The following DOCK3 variants were observed in gnomAD, a reference collection of about 807,000 sequenced individuals.
The protein encoded by DOCK3 is dedicator of cytokinesis 3, also known as dedicator of cytokinesis protein 3.
In DOCK3, 60 loss-of-function variants were observed where a neutral mutation model predicts 265.6. The observed-to-expected ratio is 0.23, with a 90% CI of 0.18 to 0.28. DOCK3 has a LOEUF of 0.28. Ranked by LOEUF, DOCK3 falls within the 10% of genes least tolerant of loss-of-function variation. The probability of loss-of-function intolerance (pLI) is 1.00; values close to 1 mark genes in which losing one functional copy is unlikely to be tolerated. For synonymous variants in DOCK3, 881 were observed against 938.0 expected (o/e 0.94, Z 1.11); for missense variants, 1,981 against 2,594.3 (o/e 0.76, Z 5.14).
At chr3:51,053,076 A>AT (rs1559993850) in intron 5 of DOCK3, among the ~76,000 whole-genome samples, 2 of 34,550 alleles carry the variant, frequency 5.8e-5, no homozygotes, top group Non-Finnish European at 1.1e-4. Flanking sequence ...AAAAAAGTCA[A>AT]AGATATATAT....
chr3:50,714,265 C>A (rs980802381), intron 1 of DOCK3, among the ~76,000 whole-genome samples: 4 of 152,180 alleles, frequency 2.6e-5, no homozygotes, highest in South Asian at 4.1e-4. Flanking sequence ...TTTCTTAAAA[C>A]CTTTTTATTG....
intron 5 of DOCK3, among the ~76,000 whole-genome samples, chr3:50,942,712 G>A (rs1029198224): frequency 1.3e-5 from 2 of 151,556 alleles, no homozygotes; most frequent in Non-Finnish European, 3.0e-5. Flanking sequence ...TTGTTACTGT[G>A]AATGTGAATA....
intron 2 of DOCK3, among the ~76,000 whole-genome samples, chr3:50,819,097 C>T (rs148956327): frequency 3.3e-5 from 5 of 152,278 alleles, no homozygotes; most frequent in African/African-American, 7.2e-5. Flanking sequence ...GTTTTTTCTC[C>T]GTATAGCTCC....
At chr3:50,889,755 T>C (rs2048554535) in intron 3 of DOCK3, among the ~76,000 whole-genome samples, 1 of 152,100 alleles carries the variant, frequency 6.6e-6, no homozygotes, top group Non-Finnish European at 1.5e-5. Context: ...CCATCTCTAA[T>C]CTACAACTCT....
At chr3:50,868,977 C>CT (rs71633040) in intron 3 of DOCK3, among the ~76,000 whole-genome samples, 2,553 of 73,548 alleles carry the variant, frequency 0.035, 44 homozygotes, top group Non-Finnish European at 0.04. Flanking sequence ...AAAACCAACT[C>CT]TTTTTTTTTT....
In DOCK3 at chr3:51,375,843, T is replaced by A. The variant is rs369054248; in HGVS notation, c.5500+8T>A. 3.5e-5 allele frequency: 57 copies of A among 1,613,848 alleles called. No homozygotes were observed. Among genetic ancestry groups the A allele is most frequent in the Middle Eastern group, 3.3e-4 (2 of 6,074 alleles). On this transcript the variant is annotated splice_region_variant and intron_variant, in intron 51 of 52. Transcript: ENST00000266037. ...TGTCTGTGGCTGAAAAAGGTATTGT[T>A]GCCCAGGTGGCCTTCCCCCCATGTC...
intron 1 of DOCK3, among the ~76,000 whole-genome samples, chr3:50,768,913 CT>C (rs1179196534): frequency 4.0e-5 from 6 of 151,470 alleles, no homozygotes; most frequent in Middle Eastern, 6.8e-3. Context: ...TTCTCAGGAA[CT>C]TTTTTTTTGT....
intron 2 of DOCK3, 131 bp downstream of exon 2, chr3:50,778,889 T>C: frequency 8.5e-6 from 5 of 585,588 alleles, no homozygotes; most frequent in African/African-American, 1.9e-5. Context: ...AATAGTGTTA[T>C]ATAAAATTCT....
At chr3:50,878,181 C>T (rs1198971139) in intron 3 of DOCK3, among the ~76,000 whole-genome samples, 8 of 152,048 alleles carry the variant, frequency 5.3e-5, no homozygotes, top group African/African-American at 1.7e-4. Flanking sequence ...GAAACCAGAG[C>T]AGAAAAGCTG....
chr3:50,793,117 C>A (rs1178545197), intron 2 of DOCK3, among the ~76,000 whole-genome samples: 1 of 152,086 alleles, frequency 6.6e-6, no homozygotes, highest in African/African-American at 2.4e-5. Flanking sequence ...TATTCAGTTT[C>A]TTCCTGGTTC....
chr3:50,961,279 T>G (rs2076878924), intron 5 of DOCK3, among the ~76,000 whole-genome samples: 1 of 152,220 alleles, frequency 6.6e-6, no homozygotes, highest in South Asian at 2.1e-4. Flanking sequence ...GTTGGCAGAT[T>G]TTTTCTGTCA....
chr3:50,743,215 A>G (rs1372587202), intron 1 of DOCK3, among the ~76,000 whole-genome samples: 1 of 151,170 alleles, frequency 6.6e-6, no homozygotes, highest in Non-Finnish European at 1.5e-5. Context: ...GAAAGGAACA[A>G]CCGGTACCAG....
intron 27 of DOCK3, among the ~76,000 whole-genome samples, chr3:51,282,653 CAAA>C (rs1198884358): frequency 4.9e-5 from 4 of 81,476 alleles, no homozygotes; most frequent in Non-Finnish European, 7.7e-5. Flanking sequence ...AACTCTGTCT[CAAA>C]AAAAAAAAAA....
intron 5 of DOCK3, among the ~76,000 whole-genome samples, chr3:51,008,068 T>G (rs552442427): frequency 1.6e-4 from 24 of 152,310 alleles, no homozygotes; most frequent in Middle Eastern, 6.8e-3. Flanking sequence ...TGCCTCCAGC[T>G]TTGTTGTTTT....
intron 5 of DOCK3, among the ~76,000 whole-genome samples, chr3:51,050,438 G>C (rs1027625461): frequency 1.3e-5 from 2 of 152,102 alleles, no homozygotes; most frequent in Non-Finnish European, 2.9e-5. Flanking sequence ...TGATACATGA[G>C]ATTTATAGAA....
chr3:51,144,350 C>G (rs1377002735), intron 9 of DOCK3, among the ~76,000 whole-genome samples: 1 of 152,170 alleles, frequency 6.6e-6, no homozygotes, highest in African/African-American at 2.4e-5. Flanking sequence ...CACCAGTGAT[C>G]TGTGTTCGAG....
intron 5 of DOCK3, among the ~76,000 whole-genome samples, chr3:50,955,645 A>C (rs2076710240): frequency 6.6e-6 from 1 of 152,170 alleles, no homozygotes; most frequent in African/African-American, 2.4e-5. Context: ...ACACATGGAC[A>C]CAAAGAAGGG....
intron 3 of DOCK3, among the ~76,000 whole-genome samples, chr3:50,861,805 T>G (rs930835353): frequency 3.3e-5 from 5 of 151,572 alleles, no homozygotes; most frequent in Admixed American, 2.0e-4. Flanking sequence ...CCCTTTATGT[T>G]GAGCCTTTGG....
At chr3:51,357,932 C>A in intron 45 of DOCK3, 29 bp from the exon 46 acceptor site, 1 of 1,612,790 alleles carries the variant, frequency 6.2e-7, no homozygotes, top group Non-Finnish European at 8.5e-7. Flanking sequence ...TCATGGTTCA[C>A]AGAGTGGCCT....
Sources: allele counts gnomAD v4.1 joint callset (sites outside exome capture counted in the v4.1 genomes callset), GRCh38; gene constraint gnomAD v4.1.1; transcripts MANE v1.5; gene names NCBI Gene and HGNC (gene_info 2026-07-23, HGNC 2026-07-21).